The following C3orf20 variants were observed in gnomAD, a reference collection of about 807,000 sequenced individuals.
C3orf20 encodes family with sequence similarity 149 member C, also known as uncharacterized protein C3orf20.
In C3orf20, 76 loss-of-function variants were observed where a neutral mutation model predicts 88.3. The observed-to-expected ratio is 0.86, with a 90% CI of 0.72 to 1.04. C3orf20 has a LOEUF of 1.04. Among genes scored for constraint, C3orf20 ranks in the 50% least tolerant of loss-of-function variants. The probability of loss-of-function intolerance (pLI) is 0.00; values close to 1 mark genes in which losing one functional copy is unlikely to be tolerated. For missense variants in C3orf20, 1,056 were observed against 1,123.3 expected (o/e 0.94, Z 0.86); for synonymous variants, 436 against 437.4 (o/e 1.00, Z 0.04).
In C3orf20 at chr3:14,772,790, G is replaced by T; in HGVS notation, c.2631-1G>T. The stretch of plus-strand genomic sequence containing the variant: ...TCCCGGCCCTCTATTTTGATCTTTA[G>T]GACAAGAGAGCCTGAAGTGGAGCTA... On this transcript the variant is annotated splice_acceptor_variant, in intron 16 of 16. Transcript: ENST00000253697. LOFTEE classifies it high-confidence loss of function. This position sits in a 1 kb window ranked among gnomAD's most constrained non-coding sequence, Gnocchi z 4.2. 6.2e-7 allele frequency: 1 copy of T among 1,613,022 alleles called. No homozygotes were observed. Among genetic ancestry groups the T allele is most frequent in the South Asian group, 1.1e-5 (1 of 91,042 alleles).
At chr3:14,736,900 TC>T (rs1207828513) in intron 12 of C3orf20, among the ~76,000 whole-genome samples, 1 of 152,228 alleles carries the variant, frequency 6.6e-6, no homozygotes, top group Admixed American at 6.5e-5. Context: ...TTTTCTGTGT[TC>T]CTAAGGTTGG....
intron 5 of C3orf20, among the ~76,000 whole-genome samples, chr3:14,696,234 T>G (rs567024526): frequency 2.6e-5 from 4 of 151,812 alleles, no homozygotes; most frequent in African/African-American, 9.6e-5. Context: ...AACTTCACAC[T>G]GTTTGCATAA....
intron 1 of C3orf20, among the ~76,000 whole-genome samples, chr3:14,681,808 T>C (rs1446926588): frequency 6.6e-6 from 1 of 152,150 alleles, no homozygotes; most frequent in Non-Finnish European, 1.5e-5. Context: ...TTTCTAGCCA[T>C]TTTTTTGCTT....
At chr3:14,770,709 G>A (rs2035838362) in intron 15 of C3orf20, among the ~76,000 whole-genome samples, 1 of 152,178 alleles carries the variant, frequency 6.6e-6, no homozygotes, top group African/African-American at 2.4e-5. Context: ...GCATAGTAGA[G>A]GCTCAGTAAA....
chr3:14,734,340 T>G (rs2034637293), intron 12 of C3orf20, among the ~76,000 whole-genome samples: 1 of 152,140 alleles, frequency 6.6e-6, no homozygotes, highest in Admixed American at 6.5e-5. Context: ...CATATAATAT[T>G]ACAAATTTCC....
chr3:14,728,764 A>G (rs55877518), intron 12 of C3orf20, 76 bp downstream of exon 12: 55,699 of 1,509,110 alleles, frequency 0.037, 2,089 homozygotes, highest in African/African-American at 0.15. Flanking sequence ...TGAACCCAAC[A>G]GATGGGGCCC....
In C3orf20 at chr3:14,682,866, G is replaced by A. The variant is rs1224519892; in HGVS notation, c.153G>A (p.Trp51Ter). Residue 51 changes from tryptophan (W) to a stop codon, truncating the protein, a stop_gained, in exon 3 of 17, where the codon TGG becomes TGA. Transcript: ENST00000253697. LOFTEE classifies it high-confidence loss of function. The part of the protein sequence containing the change: ...KGIRNIFEFT[W>*]EELISDPSVP... The stretch of plus-strand genomic sequence containing the variant: ...TCAGAAACATCTTTGAGTTCACTTG[G>A]GAAGAGCTCATCAGTGACCCTTCAG... 1 of 1,614,154 alleles carries A rather than the reference G, an allele frequency of 6.2e-7. No individual in the cohort carries two copies. The highest frequency in any genetic ancestry group is 8.5e-7 in the Non-Finnish European group (1 of 1,180,034).
chr3:14,757,499 C>T lies in C3orf20; in HGVS notation c.2069C>T (p.Pro690Leu), dbSNP rs1252587552. 2.5e-6 allele frequency: 4 copies of T among 1,613,804 alleles called. No homozygotes were observed. The highest frequency in any genetic ancestry group is 1.3e-5 in the African/African-American group (1 of 74,938). The change falls in exon 13 of 17, where the codon CCC becomes CTC. Residue 690 changes from proline to leucine, a missense_variant. Pro to Leu is a moderately conservative substitution (Grantham distance 98). Coordinates refer to ENST00000253697, the MANE Select transcript of C3orf20 (RefSeq NM_032137.5). ...RAGCKCLVKA[P>L]LVSDVELERF... The stretch of plus-strand genomic sequence containing the variant: ...GGCTGCAAGTGCCTGGTGAAGGCGC[C>T]CCTGGTCTCTGACGTGGAGCTGGAG...
rs751222942 is a variant in C3orf20, at chr3:14,683,185, G to C, written c.472G>C (p.Glu158Gln). ...CAGACTGAAGATGAAGGCCATGGTG[G>C]AGTCTATGTCGGGTAAGGCCCAGAT... ...LLRLKMKAMV[E>Q]SMSVGANPLD... The change falls in exon 3 of 17, where the codon GAG (glutamate) becomes CAG (glutamine). Residue 158 changes from glutamate to glutamine, a missense_variant. By Grantham distance (29) the Glu-to-Gln change is conservative. Transcript: ENST00000253697. The C allele has an allele frequency of 5.7e-6, 9 of 1,589,268 alleles. No individual in the cohort carries two copies. The highest frequency in any genetic ancestry group is 3.5e-5 in the Admixed American group (2 of 57,074).
chr3:14,676,749 T>A (rs2031792960), intron 1 of C3orf20, among the ~76,000 whole-genome samples: 1 of 152,170 alleles, frequency 6.6e-6, no homozygotes, highest in South Asian at 2.1e-4. Context: ...GTAAGGGCCC[T>A]TTGATACCAC....
chr3:14,757,426 T>C lies in C3orf20; in HGVS notation c.1996T>C (p.Cys666Arg). ...PTRWAALPSD[C>R]PLVLRKLMLK... Reference sequence around the variant, plus strand: ...CAGGTGGGCGGCCTTGCCCTCAGACTGCCCGCTGGTGCTGCGGAAGCTCAT... The same window carrying C: ...CAGGTGGGCGGCCTTGCCCTCAGACCGCCCGCTGGTGCTGCGGAAGCTCAT... Residue 666 changes from cysteine (C) to arginine (R), a missense_variant, in exon 13 of 17, where the codon TGC becomes CGC. By Grantham distance (180) the Cys-to-Arg change is radical (BLOSUM62 -3). Transcript: ENST00000253697. The C allele has an allele frequency of 6.2e-7, 1 of 1,612,146 alleles. No individual in the cohort carries two copies. Among genetic ancestry groups the C allele is most frequent in the South Asian group, 1.1e-5 (1 of 91,000 alleles).
At chr3:14,733,762 CAG>C (rs1461728939) in intron 12 of C3orf20, among the ~76,000 whole-genome samples, 11 of 151,438 alleles carry the variant, frequency 7.3e-5, no homozygotes, top group Admixed American at 6.6e-4. Context: ...CATCTTGGCT[CAG>C]GGCAACCTCT....
At chr3:14,720,252 G>T (rs763761585) in intron 9 of C3orf20, among the ~76,000 whole-genome samples, 1 of 152,090 alleles carries the variant, frequency 6.6e-6, no homozygotes. Flanking sequence ...GGATGGTCTC[G>T]ATCTCCTGAC....
chr3:14,722,605 C>T (rs112867501), intron 10 of C3orf20: 6 of 456,494 alleles, frequency 1.3e-5, no homozygotes, highest in Admixed American at 7.0e-5. Flanking sequence ...CCCCCCTGGC[C>T]GTGACAACGT....
chr3:14,745,739 AAT>A lies in C3orf20; in HGVS notation c.1941-11629_1941-11628del, dbSNP rs78743918. ...TACCAATTTACATTCTCATCAGCAA[AAT>A]ATGTTACCTTAGTATAGTTTTAATT... is the stretch of plus-strand genomic sequence containing the variant. On this transcript the variant is annotated intron_variant, in intron 12 of 16. Coordinates refer to ENST00000253697, the MANE Select transcript of C3orf20 (RefSeq NM_032137.5). Among the ~76,000 whole-genome samples the A allele has an allele frequency of 4.2e-3, 638 of 152,354 alleles. 1 individual carries two copies. The highest frequency in any genetic ancestry group is 5.8e-3 in the Non-Finnish European group (394 of 68,028).
At chr3:14,723,427 C>A (rs977270565) in intron 10 of C3orf20, among the ~76,000 whole-genome samples, 2 of 152,240 alleles carry the variant, frequency 1.3e-5, no homozygotes, top group African/African-American at 4.8e-5. Flanking sequence ...CATTTATTAG[C>A]ACCTGCAGCA....
chr3:14,683,620 G>C (rs1285860683), intron 3 of C3orf20, among the ~76,000 whole-genome samples: 7 of 152,116 alleles, frequency 4.6e-5, no homozygotes, highest in Non-Finnish European at 1.0e-4. Flanking sequence ...GCTCACCCCT[G>C]TAATTCCAGC....
chr3:14,757,550 C>A lies in C3orf20; in HGVS notation c.2120C>A (p.Pro707His). The A allele has an allele frequency of 6.2e-7, 1 of 1,614,124 alleles. No homozygotes were observed. The highest frequency in any genetic ancestry group is 2.2e-5 in the East Asian group (1 of 44,880). ...LERFLLAPRD[P>H]SQVLVFGIIS... is the part of the protein sequence containing the mutation. ...CGCTTCCTGTTGGCGCCCCGAGACCCCAGCCAAGTGCTGGTGTTTGGGATC... is the reference window on the plus strand; with the variant it reads ...CGCTTCCTGTTGGCGCCCCGAGACCACAGCCAAGTGCTGGTGTTTGGGATC... The change falls in exon 13 of 17, where the codon CCC (proline) becomes CAC (histidine). Residue 707 changes from proline (P) to histidine (H), a missense_variant. Transcript: ENST00000253697.
chr3:14,676,989 A>G (rs1004991402), intron 1 of C3orf20, among the ~76,000 whole-genome samples: 1 of 151,988 alleles, frequency 6.6e-6, no homozygotes, highest in Non-Finnish European at 1.5e-5. Flanking sequence ...GCATCTATTA[A>G]TTTTCCTAGG....
Sources: allele counts gnomAD v4.1 joint callset (sites outside exome capture counted in the v4.1 genomes callset), GRCh38; gene constraint gnomAD v4.1.1; non-coding constraint Gnocchi (gnomAD v3.1); transcripts MANE v1.5; gene names NCBI Gene and HGNC (gene_info 2026-07-23, HGNC 2026-07-21).